The following RAVER2 variants were observed in gnomAD, a reference collection of about 807,000 sequenced individuals.
RAVER2 encodes the protein ribonucleoprotein PTB-binding 2.
A neutral mutation model predicts 78.1 loss-of-function variants in RAVER2; 46 were observed. The observed-to-expected ratio is 0.59, with a 90% CI of 0.46 to 0.75. The LOEUF (loss-of-function observed/expected upper bound fraction) is 0.75, where lower values mean the gene tolerates loss of function less well. RAVER2 is among the 30% of genes least tolerant of loss of function. RAVER2 has a pLI of 0.00. For synonymous variants in RAVER2, 311 were observed against 313.3 expected (o/e 0.99, Z 0.08); for missense variants, 793 against 837.5 (o/e 0.95, Z 0.66).
chr1:64,821,075 T>C (rs1422762713), intron 11 of RAVER2, among the ~76,000 whole-genome samples: 2 of 152,194 alleles, frequency 1.3e-5, no homozygotes, highest in African/African-American at 4.8e-5. Flanking sequence ...TCTGCTATTT[T>C]TTGACATTTT....
intron 10 of RAVER2, 141 bp downstream of exon 10, chr1:64,812,990 A>G: frequency 3.7e-6 from 2 of 537,568 alleles, no homozygotes; most frequent in Non-Finnish European, 3.1e-6. Context: ...AAATTGAAAG[A>G]ATAATTAAAA....
intron 2 of RAVER2, among the ~76,000 whole-genome samples, chr1:64,774,571 T>C (rs143190769): frequency 6.2e-4 from 95 of 152,334 alleles, no homozygotes; most frequent in Non-Finnish European, 1.2e-3. Flanking sequence ...CTGTTTTGGC[T>C]ACTGTGGCCT....
At chr1:64,820,303 A>G (rs537958564) in intron 11 of RAVER2, among the ~76,000 whole-genome samples, 1 of 152,346 alleles carries the variant, frequency 6.6e-6, no homozygotes, top group Non-Finnish European at 1.5e-5. Context: ...TAGGTCTAAT[A>G]AAAAACAAAT....
At chr1:64,776,000 CAG>C in intron 2 of RAVER2, among the ~76,000 whole-genome samples, 1 of 128,094 alleles carries the variant, frequency 7.8e-6, no homozygotes, top group Admixed American at 9.1e-5. Flanking sequence ...GCCTGGGCAA[CAG>C]AGTCAGACTC....
chr1:64,833,071 G>A, exon 12 of RAVER2: 1 of 178,458 alleles, frequency 5.6e-6, no homozygotes, highest in Non-Finnish European at 1.2e-5. Flanking sequence ...GCACAACAGT[G>A]AAGAAGTGCA....
chr1:64,792,219 T>C (rs1652963313), intron 5 of RAVER2, among the ~76,000 whole-genome samples: 2 of 152,234 alleles, frequency 1.3e-5, no homozygotes, highest in Non-Finnish European at 2.9e-5. Context: ...TCACAGGACA[T>C]GTGCTTTAAA....
intron 5 of RAVER2, among the ~76,000 whole-genome samples, chr1:64,792,161 T>G (rs1422206742): frequency 6.6e-6 from 1 of 152,206 alleles, no homozygotes; most frequent in Non-Finnish European, 1.5e-5. Context: ...TTATACATCT[T>G]ATATCTCTTT....
At chr1:64,778,999 T>A (rs544828257) in intron 3 of RAVER2, among the ~76,000 whole-genome samples, 28 of 148,366 alleles carry the variant, frequency 1.9e-4, no homozygotes, top group Middle Eastern at 7.2e-3. Flanking sequence ...TATATTAAAA[T>A]ATATATTATT....
chr1:64,819,298 T>C lies in RAVER2; in HGVS notation c.1929+4458T>C, dbSNP rs1653827464. Among the ~76,000 whole-genome samples the C allele has an allele frequency of 2.6e-5, 4 of 151,792 alleles. 1 individual carries two copies. The South Asian group carries it at 8.3e-4, about 32-fold the overall frequency. ...CAGGTATGGAATCTCTGCCAAGAGA[T>C]ATAAACTAAGAAATAAAAATTTTGG... On this transcript the variant is annotated intron_variant, in intron 11 of 11. Transcript: ENST00000294428.
At chr1:64,752,119 A>C (rs955379513) in intron 1 of RAVER2, among the ~76,000 whole-genome samples, 2 of 152,212 alleles carry the variant, frequency 1.3e-5, no homozygotes, top group Non-Finnish European at 2.9e-5. Context: ...TTCCAGATCT[A>C]TTCTCGACCC....
chr1:64,768,550 G>T, intron 1 of RAVER2, 106 bp from the exon 2 acceptor site: 1 of 705,036 alleles, frequency 1.4e-6, no homozygotes, highest in Non-Finnish European at 2.5e-6. Flanking sequence ...TTTTTTACAT[G>T]GGACATGGTG....
At chr1:64,795,689 T>G (rs1653076980) in intron 5 of RAVER2, among the ~76,000 whole-genome samples, 1 of 152,114 alleles carries the variant, frequency 6.6e-6, no homozygotes, top group African/African-American at 2.4e-5. Flanking sequence ...ACTCACTTAT[T>G]ATTTCTAGTA....
chr1:64,769,140 C>T lies in RAVER2; in HGVS notation c.316+418C>T, dbSNP rs1183360780. Among the ~76,000 whole-genome samples, 3 of 151,820 alleles carry T rather than the reference C, an allele frequency of 2.0e-5. No homozygotes were observed. The South Asian group carries it at 6.2e-4, about 31-fold the overall frequency. Reference sequence around the variant, plus strand: ...AAAACTAGATTATTTCCTTTTTGTGCATGTAATATGCAGCTGTTTAAAAGC... The same window carrying T: ...AAAACTAGATTATTTCCTTTTTGTGTATGTAATATGCAGCTGTTTAAAAGC... On this transcript the variant is annotated intron_variant, in intron 2 of 11. Transcript: ENST00000294428.
chr1:64,818,018 ATTAT>A (rs1653794856), intron 11 of RAVER2, among the ~76,000 whole-genome samples: 1 of 152,212 alleles, frequency 6.6e-6, no homozygotes, highest in Admixed American at 6.5e-5. Flanking sequence ...CAAAGGCCAC[ATTAT>A]TTATACCATT....
At chr1:64,773,162 G>A (rs79704996) in intron 2 of RAVER2, among the ~76,000 whole-genome samples, 1 of 151,982 alleles carries the variant, frequency 6.6e-6, no homozygotes, top group African/African-American at 2.4e-5. Context: ...AGCTAAAATA[G>A]GGAATAAAGG....
chr1:64,779,771 G>C lies in RAVER2; in HGVS notation c.787-1609G>C, dbSNP rs1035164707. On this transcript the variant is annotated intron_variant, in intron 3 of 11. Coordinates refer to ENST00000294428, the Ensembl canonical transcript of RAVER2. Reference sequence around the variant, plus strand: ...AAGCCATTTATCATAAATTGTATTTGAATTGTGAACCCCCCCGAGTTGGAA... The same window carrying C: ...AAGCCATTTATCATAAATTGTATTTCAATTGTGAACCCCCCCGAGTTGGAA... 2.0e-5 allele frequency among the ~76,000 whole-genome samples: 3 copies of C among 151,114 alleles called. No individual in the cohort carries two copies. In the Admixed American group the frequency reaches 2.0e-4, roughly 10 times the overall value.
At chr1:64,784,544 A>G (rs1403357281) in intron 4 of RAVER2, among the ~76,000 whole-genome samples, 2 of 152,090 alleles carry the variant, frequency 1.3e-5, no homozygotes, top group African/African-American at 2.4e-5. Context: ...TTCCTGTTAT[A>G]TATGCCTATT....
At chr1:64,812,899 C>T (rs756455435) in intron 10 of RAVER2, 50 bp downstream of exon 10, 1 of 1,343,126 alleles carries the variant, frequency 7.4e-7, no homozygotes, top group Admixed American at 2.3e-5. Context: ...GAATACTTTT[C>T]ATAATAAGTT....
chr1:64,763,186 ACT>A (rs1652070932), intron 1 of RAVER2, among the ~76,000 whole-genome samples: 1 of 151,988 alleles, frequency 6.6e-6, no homozygotes, highest in African/African-American at 2.4e-5. Flanking sequence ...AGTCCCAGCT[ACT>A]CAGGAGGCTG....
Sources: gnomAD v4.1 joint callset for allele counts (sites outside exome capture counted in the v4.1 genomes callset) on GRCh38, gnomAD v4.1.1 for gene constraint, MANE v1.5 for transcripts, NCBI Gene and HGNC (gene_info 2026-07-23, HGNC 2026-07-21) for gene names.